Variants in ARHGEF3 observed in about 807,000 individuals in gnomAD.
ARHGEF3 encodes the protein Rho guanine nucleotide exchange factor 3, also known as 59.8 kDA protein.
A neutral mutation model predicts 63.2 loss-of-function variants in ARHGEF3; 28 were observed. That is an observed-to-expected ratio of 0.44 (90% confidence interval 0.33 to 0.61). The LOEUF is 0.61. Among genes scored for constraint, ARHGEF3 ranks in the 20% least tolerant of loss-of-function variants. The pLI is 0.03. For missense variants in ARHGEF3, 533 were observed against 659.3 expected (o/e 0.81, Z 2.10); for synonymous variants, 266 against 254.2 (o/e 1.05, Z -0.44).
chr3:56,740,185 A>AT (rs1225660088), intron 7 of ARHGEF3, among the ~76,000 whole-genome samples: 18 of 125,414 alleles, frequency 1.4e-4, no homozygotes, highest in Non-Finnish European at 2.6e-4. Flanking sequence ...GGCATGAGCC[A>AT]CCATGCCTGG....
chr3:57,032,316 C>G (rs1333135014), intron 2 of ARHGEF3, among the ~76,000 whole-genome samples: 1 of 152,202 alleles, frequency 6.6e-6, no homozygotes, highest in Admixed American at 6.5e-5. Flanking sequence ...ACAAAGCCAT[C>G]ACTTTCAACT....
At chr3:57,039,088 T>C (rs986538695) in intron 1 of ARHGEF3, among the ~76,000 whole-genome samples, 2 of 151,702 alleles carry the variant, frequency 1.3e-5, no homozygotes, top group Non-Finnish European at 2.9e-5. Context: ...TTCATCAGTA[T>C]TTCCCATCCC....
intron 2 of ARHGEF3, among the ~76,000 whole-genome samples, chr3:56,763,524 A>C (rs1341465073): frequency 6.6e-6 from 1 of 152,198 alleles, no homozygotes; most frequent in Non-Finnish European, 1.5e-5. Context: ...ACTCTGCAAC[A>C]ATAAAAGGGA....
At chr3:56,994,064 C>CAAAAAAAAAAAAAAAA (rs60299557) in intron 2 of ARHGEF3, among the ~76,000 whole-genome samples, 720 of 59,648 alleles carry the variant, frequency 0.012, 149 homozygotes, top group African/African-American at 0.023. Context: ...AACTTCGTCT[C>CAAAAAAAAAAAAAAAA]AAAAAAAAAA....
intron 1 of ARHGEF3, among the ~76,000 whole-genome samples, chr3:57,042,258 CTGAT>C: frequency 6.6e-6 from 1 of 150,384 alleles, no homozygotes; most frequent in African/African-American, 2.4e-5. Context: ...GAAATAATGA[CTGAT>C]TGGTGTAGAA....
At chr3:56,925,918 G>T (rs1346832101) in intron 3 of ARHGEF3, among the ~76,000 whole-genome samples, 1 of 152,230 alleles carries the variant, frequency 6.6e-6, no homozygotes, top group African/African-American at 2.4e-5. Context: ...TCTTGGGGAA[G>T]AAATGCAGAC....
chr3:56,818,279 G>A (rs1387904169), intron 4 of ARHGEF3, among the ~76,000 whole-genome samples: 1 of 152,202 alleles, frequency 6.6e-6, no homozygotes, highest in Non-Finnish European at 1.5e-5. Flanking sequence ...TTATGTGACA[G>A]GAGAGGACAA....
At chr3:56,930,690 T>C (rs998742935) in intron 3 of ARHGEF3, among the ~76,000 whole-genome samples, 7 of 152,230 alleles carry the variant, frequency 4.6e-5, no homozygotes, top group Admixed American at 2.0e-4. Context: ...TGCCACTAAA[T>C]AACATAAAGC....
intron 3 of ARHGEF3, among the ~76,000 whole-genome samples, chr3:56,897,561 G>A (rs1450193605): frequency 6.6e-6 from 1 of 151,102 alleles, no homozygotes; most frequent in African/African-American, 2.4e-5. Flanking sequence ...CTATCTATAT[G>A]TATCTTTTTT....
At chr3:56,968,190 T>TAATATATAATATTTAA (rs1491089692) in intron 2 of ARHGEF3, among the ~76,000 whole-genome samples, 6 of 13,764 alleles carry the variant, frequency 4.4e-4, no homozygotes, top group Admixed American at 2.0e-3. Context: ...AAATATATAT[T>TAATATATAATATTTAA]ATATATAATA....
At chr3:56,814,208 A>G (rs2038177552) in intron 4 of ARHGEF3, among the ~76,000 whole-genome samples, 1 of 152,190 alleles carries the variant, frequency 6.6e-6, no homozygotes, top group Admixed American at 6.5e-5. Context: ...TTTCCAACCC[A>G]TGGCCCACAG....
At chr3:57,010,266 A>C (rs1470945436) in intron 2 of ARHGEF3, among the ~76,000 whole-genome samples, 1 of 152,060 alleles carries the variant, frequency 6.6e-6, no homozygotes, top group Non-Finnish European at 1.5e-5. Flanking sequence ...CATCCTGGCT[A>C]ACATGGTGAA....
intron 3 of ARHGEF3, among the ~76,000 whole-genome samples, chr3:56,899,855 C>A (rs2041446516): frequency 6.6e-6 from 1 of 152,198 alleles, no homozygotes; most frequent in Non-Finnish European, 1.5e-5. Context: ...ATGTGAACCA[C>A]TCCTGGCACT....
At chr3:57,017,329 G>T (rs1018010679) in intron 2 of ARHGEF3, among the ~76,000 whole-genome samples, 1 of 152,034 alleles carries the variant, frequency 6.6e-6, no homozygotes, top group Non-Finnish European at 1.5e-5. Flanking sequence ...CATGTAAATG[G>T]CTGTTACTGT....
At chr3:56,965,004 G>T (rs1247599118) in intron 2 of ARHGEF3, among the ~76,000 whole-genome samples, 5 of 152,198 alleles carry the variant, frequency 3.3e-5, no homozygotes, top group African/African-American at 1.2e-4. Context: ...AAGCTTCTCA[G>T]TGCTTTGGGT....
At chr3:57,051,107 C>T (rs1362342450) in intron 1 of ARHGEF3, among the ~76,000 whole-genome samples, 1 of 152,172 alleles carries the variant, frequency 6.6e-6, no homozygotes, top group Non-Finnish European at 1.5e-5. Flanking sequence ...CACAGCACCC[C>T]AAAATCCAGT....
intron 2 of ARHGEF3, among the ~76,000 whole-genome samples, chr3:57,033,003 A>C (rs1228308815): frequency 1.3e-5 from 2 of 152,216 alleles, no homozygotes; most frequent in South Asian, 2.1e-4. Flanking sequence ...ACAGAGTCCT[A>C]AGAAGATGAA....
intron 2 of ARHGEF3, among the ~76,000 whole-genome samples, chr3:56,983,958 C>A (rs1400364491): frequency 7.8e-6 from 1 of 128,840 alleles, no homozygotes; most frequent in Non-Finnish European, 1.7e-5. Context: ...AAAAAAAAGA[C>A]TGGCTATCCC....
chr3:56,854,751 G>A (rs1452397965), intron 4 of ARHGEF3, among the ~76,000 whole-genome samples: 1 of 135,998 alleles, frequency 7.4e-6, no homozygotes, highest in Non-Finnish European at 1.6e-5. Flanking sequence ...CTATTTGGGG[G>A]GATGCAAATA....
Sources: allele counts gnomAD v4.1 joint callset (sites outside exome capture counted in the v4.1 genomes callset), GRCh38; gene constraint gnomAD v4.1.1; transcripts MANE v1.5; gene names NCBI Gene and HGNC (gene_info 2026-07-23, HGNC 2026-07-21).